The following CDH6 variants were observed in gnomAD, a reference collection of about 807,000 sequenced individuals.
CDH6 encodes the protein cadherin 6.
Under a neutral mutation model 78.0 loss-of-function variants are expected in CDH6, and 31 were observed. The ratio of observed to expected loss-of-function variants is 0.40; its 90% CI spans 0.30 to 0.54. The LOEUF is 0.54. Ranked by LOEUF, CDH6 falls within the 20% of genes least tolerant of loss-of-function variation. The probability of loss-of-function intolerance (pLI) is 0.56; values close to 1 mark genes in which losing one functional copy is unlikely to be tolerated. For synonymous variants in CDH6, 376 were observed against 368.8 expected (o/e 1.02, Z -0.23); for missense variants, 724 against 975.9 (o/e 0.74, Z 3.44).
chr5:31,305,023 C>T, intron 6 of CDH6, 151 bp from the exon 7 acceptor site: 1 of 766,578 alleles, frequency 1.3e-6, no homozygotes, highest in Admixed American at 2.6e-5. Context: ...TATCTTTTCT[C>T]CCTTTGCCCA....
chr5:31,324,914 C>G lies in CDH6; in HGVS notation c.*1606C>G. On this transcript the variant is annotated 3_prime_UTR_variant, in exon 12 of 12. Transcript: ENST00000265071. The stretch of plus-strand genomic sequence containing the variant: ...ATCCTTGTTTTGAAAACCTAAAAGA[C>G]AGGCTCTGTATATATATATACTTAA... 1 of 199,816 alleles carries G rather than the reference C, an allele frequency of 5.0e-6. No homozygotes were observed. Among genetic ancestry groups the G allele is most frequent in the Non-Finnish European group, 1.0e-5 (1 of 97,238 alleles). The allele number at this position is 199,816 out of a possible 1,614,324, so 12.4% of individuals were successfully genotyped here.
At chr5:31,232,361 G>A (rs946009416) in intron 1 of CDH6, among the ~76,000 whole-genome samples, 1 of 152,118 alleles carries the variant, frequency 6.6e-6, no homozygotes, top group Non-Finnish European at 1.5e-5. Flanking sequence ...CATTCTGGAC[G>A]TTTTAAATTT....
At chr5:31,223,189 G>A (rs1741050284) in intron 1 of CDH6, among the ~76,000 whole-genome samples, 1 of 152,156 alleles carries the variant, frequency 6.6e-6, no homozygotes. Context: ...GAGTAGTAGA[G>A]ATTTATTTAG....
chr5:31,269,659 T>A (rs1040992358), intron 2 of CDH6, among the ~76,000 whole-genome samples: 15 of 152,224 alleles, frequency 9.9e-5, no homozygotes, highest in African/African-American at 3.4e-4. Flanking sequence ...AAGTGGCATA[T>A]TGACTTTCAT....
chr5:31,306,899 G>C (rs1252983098), intron 7 of CDH6, among the ~76,000 whole-genome samples: 1 of 152,142 alleles, frequency 6.6e-6, no homozygotes, highest in African/African-American at 2.4e-5. Flanking sequence ...TGACATTCTT[G>C]GTAGGGGACC....
chr5:31,242,746 G>A (rs975705917), intron 1 of CDH6, among the ~76,000 whole-genome samples: 9 of 151,634 alleles, frequency 5.9e-5, no homozygotes, highest in African/African-American at 2.2e-4. Flanking sequence ...TTTTGGTCAT[G>A]TGCAGTGGCT....
At chr5:31,228,486 A>G (rs4302603) in intron 1 of CDH6, among the ~76,000 whole-genome samples, 149,773 of 152,256 alleles carry the variant, frequency 0.98, 73,727 homozygotes, top group Middle Eastern at 1. Context: ...TCAGACACCC[A>G]TGGACTCCCA....
At chr5:31,228,689 A>G (rs570788198) in intron 1 of CDH6, among the ~76,000 whole-genome samples, 7 of 152,318 alleles carry the variant, frequency 4.6e-5, no homozygotes, top group Non-Finnish European at 8.8e-5. Context: ...GGAGCACGCA[A>G]CCTGCATCCC....
chr5:31,258,510 A>G (rs1425541198), intron 1 of CDH6, among the ~76,000 whole-genome samples: 1 of 152,162 alleles, frequency 6.6e-6, no homozygotes, highest in Non-Finnish European at 1.5e-5. Context: ...TAGGGGAGGG[A>G]TAGCATTAGG....
intron 4 of CDH6, among the ~76,000 whole-genome samples, chr5:31,298,779 G>T (rs1389394098): frequency 2.6e-5 from 4 of 152,182 alleles, no homozygotes; most frequent in African/African-American, 7.2e-5. Context: ...TAAAAATTTT[G>T]GTTGTCATTG....
At chr5:31,244,526 G>A (rs1741690473) in intron 1 of CDH6, among the ~76,000 whole-genome samples, 1 of 152,124 alleles carries the variant, frequency 6.6e-6, no homozygotes, top group Non-Finnish European at 1.5e-5. Context: ...CTGGAGAGAG[G>A]GAAAGCAGAC....
chr5:31,203,390 C>T (rs1740423375), intron 1 of CDH6, among the ~76,000 whole-genome samples: 1 of 101,084 alleles, frequency 9.9e-6, no homozygotes, highest in African/African-American at 3.8e-5. Flanking sequence ...AATGCTATCC[C>T]TCCCCCCTCC....
intron 1 of CDH6, among the ~76,000 whole-genome samples, chr5:31,207,319 T>G (rs1740554930): frequency 6.6e-6 from 1 of 152,244 alleles, no homozygotes; most frequent in Admixed American, 6.5e-5. Context: ...TGGAGTTGAA[T>G]GTGTTGACAC....
intron 1 of CDH6, among the ~76,000 whole-genome samples, chr5:31,252,336 T>C (rs1298518084): frequency 6.6e-6 from 1 of 151,758 alleles, no homozygotes; most frequent in Non-Finnish European, 1.5e-5. Flanking sequence ...GTGGTGTGTG[T>C]GTGTGTGTGT....
In CDH6 at chr5:31,325,351, C is replaced by G. The variant is rs1738602249; in HGVS notation, c.*2043C>G. 4.4e-6 allele frequency: 1 copy of G among 229,204 alleles called. No individual in the cohort carries two copies. The highest frequency in any genetic ancestry group is 8.6e-6 in the Non-Finnish European group (1 of 116,304). 14.2% of individuals were successfully genotyped at this position (229,204 alleles called of 1,614,324 possible). A position where few individuals can be genotyped will look rare whatever the true frequency, so the allele number is the denominator to read the frequency against. The stretch of plus-strand genomic sequence containing the variant: ...ACACACACACACACACACACACACA[C>G]ACACGAATGCAAACAAAAGGCTATA... On this transcript the variant is annotated 3_prime_UTR_variant, in exon 12 of 12. Transcript: ENST00000265071.
At chr5:31,236,222 G>A (rs1364177084) in intron 1 of CDH6, among the ~76,000 whole-genome samples, 1 of 152,088 alleles carries the variant, frequency 6.6e-6, no homozygotes, top group Admixed American at 6.5e-5. Context: ...TTAATCACAG[G>A]AAAATTAATG....
At position 31,267,442 on chromosome 5, in the gene CDH6, T is replaced by C; in HGVS notation, c.-32T>C. The C allele has an allele frequency of 1.3e-6, 2 of 1,532,464 alleles. No homozygotes were observed. Among genetic ancestry groups the C allele is most frequent in the East Asian group, 2.2e-5 (1 of 44,446 alleles). The allele number at this position is 1,532,464 out of a possible 1,614,324, so 94.9% of individuals were successfully genotyped here. On this transcript the variant is annotated 5_prime_UTR_variant, in exon 2 of 12. Coordinates refer to ENST00000265071, the MANE Select transcript of CDH6 (RefSeq NM_004932.4). ...AAAGGCACTTCCAAGAGTGGGGCAC[T>C]CACTACGCACAGACTCGACGGTGCC... is the stretch of plus-strand genomic sequence containing the variant.
chr5:31,211,873 G>T (rs1445150090), intron 1 of CDH6, among the ~76,000 whole-genome samples: 3 of 152,154 alleles, frequency 2.0e-5, no homozygotes, highest in African/African-American at 7.2e-5. Flanking sequence ...TGCTTTGTGG[G>T]GTTTTGCTGT....
chr5:31,267,590 G>T lies in CDH6; in HGVS notation c.117G>T (p.Glu39Asp). The change falls in exon 2 of 12, where the codon GAG becomes GAT. Residue 39 changes from glutamate (E) to aspartate (D), a missense_variant. By Grantham distance (45) the Glu-to-Asp change is conservative. This residue lies in a region of CDH6 where 58 missense variants were observed against 50.8 expected (regional missense o/e 1.14). Coordinates refer to ENST00000265071, the MANE Select transcript of CDH6 (RefSeq NM_004932.4). ...SGFPAKKRAL[E>D]LSGNSKNELN... is the part of the protein sequence containing the mutation. ...TCCCAGCAAAGAAAAGGGCCCTGGAGCTCTCTGGAAACAGCAAAAATGAGC... is the reference window on the plus strand; with the variant it reads ...TCCCAGCAAAGAAAAGGGCCCTGGATCTCTCTGGAAACAGCAAAAATGAGC... 6.2e-7 allele frequency: 1 copy of T among 1,614,106 alleles called. No individual in the cohort carries two copies. Among genetic ancestry groups the T allele is most frequent in the South Asian group, 1.1e-5 (1 of 91,074 alleles).
Sources: gnomAD v4.1 joint callset for allele counts (sites outside exome capture counted in the v4.1 genomes callset) on GRCh38, gnomAD v4.1.1 for gene constraint, gnomAD v4.1.1 regional missense constraint, MANE v1.5 for transcripts, NCBI Gene and HGNC (gene_info 2026-07-23, HGNC 2026-07-21) for gene names.